The following GLB1L3 variants were observed in gnomAD, a reference collection of about 807,000 sequenced individuals.
The protein encoded by GLB1L3 is galactosidase beta 1 like 3.
Under a neutral mutation model 89.5 loss-of-function variants are expected in GLB1L3, and 89 were observed. The observed-to-expected ratio is 0.99, with a 90% confidence interval of 0.84 to 1.19. GLB1L3 has a LOEUF of 1.19. Among genes scored for constraint, GLB1L3 ranks in the 50% most tolerant of loss-of-function variants. The probability of loss-of-function intolerance (pLI) is 0.00; values close to 1 mark genes in which losing one functional copy is unlikely to be tolerated. For missense variants in GLB1L3, 812 were observed against 813.3 expected (o/e 1.00, Z 0.02); for synonymous variants, 314 against 312.3 (o/e 1.01, Z -0.06).
intron 6 of GLB1L3, among the ~76,000 whole-genome samples, chr11:134,288,404 G>A (rs1296563310): frequency 6.6e-6 from 1 of 152,184 alleles, no homozygotes; most frequent in East Asian, 1.9e-4. Flanking sequence ...GCTGTGCCCA[G>A]AGCCACGTTC....
chr11:134,308,655 T>TCAACACCACCACCACCAA (rs1432078890), intron 10 of GLB1L3, among the ~76,000 whole-genome samples: 89 of 105,602 alleles, frequency 8.4e-4, no homozygotes, highest in Non-Finnish European at 1.6e-3. Context: ...ACCACCATCA[T>TCAACACCACCACCACCAA]CACCACCACC....
At chr11:134,289,081 A>C (rs1284882341) in intron 7 of GLB1L3, 191 bp downstream of exon 7, 1 of 510,074 alleles carries the variant, frequency 2.0e-6, no homozygotes, top group East Asian at 3.3e-5. Flanking sequence ...TGACTCCCTC[A>C]AAATTTAGTC....
chr11:134,313,554 G>A, intron 16 of GLB1L3, 80 bp downstream of exon 16: 1 of 1,193,892 alleles, frequency 8.4e-7, no homozygotes, highest in Non-Finnish European at 1.2e-6. Context: ...GGCGGGAGAG[G>A]GTGGGGAAAC....
chr11:134,313,117 T>A (rs1942823577), intron 15 of GLB1L3, among the ~76,000 whole-genome samples: 1 of 152,202 alleles, frequency 6.6e-6, no homozygotes. Context: ...CACCAAGTCC[T>A]GAGCCTGTCC....
intron 18 of GLB1L3, among the ~76,000 whole-genome samples, chr11:134,317,445 A>G (rs1378436942): frequency 6.6e-6 from 1 of 152,140 alleles, no homozygotes; most frequent in Non-Finnish European, 1.5e-5. Flanking sequence ...CTTTGTCATT[A>G]CTTGTTAGAT....
intron 9 of GLB1L3, chr11:134,305,239 T>C (rs1382023512): frequency 1.3e-6 from 1 of 764,790 alleles, no homozygotes; most frequent in Non-Finnish European, 2.3e-6. Flanking sequence ...CACTGAATTA[T>C]GTAAAGTGCA....
At chr11:134,277,538 A>T in intron 2 of GLB1L3, 87 bp downstream of exon 2, 1 of 1,556,972 alleles carries the variant, frequency 6.4e-7, no homozygotes, top group East Asian at 2.3e-5. Context: ...TGCACAGAAC[A>T]CGTCCTACTA....
chr11:134,281,956 T>C (rs955609045), intron 4 of GLB1L3, 69 bp from the exon 5 acceptor site: 39 of 1,256,426 alleles, frequency 3.1e-5, no homozygotes, highest in Admixed American at 2.3e-5. Flanking sequence ...CACCCTGTGA[T>C]GCGTGTGGCC....
At chr11:134,276,796 C>A in intron 1 of GLB1L3, 33 bp downstream of exon 1, 1 of 1,397,810 alleles carries the variant, frequency 7.2e-7, no homozygotes, top group Non-Finnish European at 9.3e-7. Context: ...CCGGGCTGCC[C>A]ACCACCCCGG....
At position 134,315,094 on chromosome 11, in the gene GLB1L3, G is replaced by A. The variant is rs532357342; in HGVS notation, c.1779+653G>A. Among the ~76,000 whole-genome samples, 89 of 152,240 alleles carry A rather than the reference G, an allele frequency of 5.8e-4. 2 individuals are homozygous for A. The South Asian group carries it at 0.018, about 31-fold the overall frequency. ...CTTTATGTAAATGGAATCATACAGGGCATCTTTTTTAAATATGTTTTCTTT... is the reference window on the plus strand; with the variant it reads ...CTTTATGTAAATGGAATCATACAGGACATCTTTTTTAAATATGTTTTCTTT... On this transcript the variant is annotated intron_variant, in intron 18 of 19. Coordinates refer to ENST00000431683, the MANE Select transcript of GLB1L3 (RefSeq NM_001080407.3).
At chr11:134,311,328 G>GC (rs1942725001) in intron 13 of GLB1L3, 158 bp downstream of exon 13, 1 of 659,322 alleles carries the variant, frequency 1.5e-6, no homozygotes, top group African/African-American at 1.8e-5. Context: ...CTTCCGGGTG[G>GC]ACTGTGAAGG....
chr11:134,309,343 G>C (rs146994391), intron 10 of GLB1L3, among the ~76,000 whole-genome samples: 2 of 152,044 alleles, frequency 1.3e-5, no homozygotes, highest in East Asian at 3.9e-4. Flanking sequence ...GGTCTTTAAC[G>C]TCATCAATAG....
intron 11 of GLB1L3, chr11:134,310,033 A>G: frequency 2.0e-6 from 1 of 494,058 alleles, no homozygotes; most frequent in Non-Finnish European, 3.6e-6. Context: ...GAAGAGAGGC[A>G]GGGTAGGAAC....
chr11:134,301,455 G>GTT (rs1283026028), intron 9 of GLB1L3, among the ~76,000 whole-genome samples: 1 of 152,012 alleles, frequency 6.6e-6, no homozygotes, highest in Non-Finnish European at 1.5e-5. Flanking sequence ...TTTAATGGCC[G>GTT]TATCATTTGT....
intron 9 of GLB1L3, among the ~76,000 whole-genome samples, chr11:134,300,622 C>T (rs1023578768): frequency 3.2e-4 from 49 of 152,084 alleles, no homozygotes; most frequent in Non-Finnish European, 1.3e-4. Flanking sequence ...GCGTGAGCCA[C>T]CGCGCCCGGC....
rs1323247067 is a variant in GLB1L3, at chr11:134,308,262, C to T, written c.961+1054C>T. Among the ~76,000 whole-genome samples, 192 of 31,168 alleles carry T rather than the reference C, an allele frequency of 6.2e-3. 7 individuals are homozygous for T. The highest frequency in any genetic ancestry group is 9.2e-3 in the African/African-American group (49 of 5,308). The allele number at this position is 31,168 out of a possible 152,430, so 20.4% of individuals were successfully genotyped here. A position where few individuals can be genotyped will look rare whatever the true frequency, so the allele number is the denominator to read the frequency against. On this transcript the variant is annotated intron_variant, in intron 10 of 19. Coordinates refer to ENST00000431683, the MANE Select transcript of GLB1L3 (RefSeq NM_001080407.3). ...ATCACCATCACCACCATCACCACCACCACCACCACCACCACCACCAAATAC... is the reference window on the plus strand; with the variant it reads ...ATCACCATCACCACCATCACCACCATCACCACCACCACCACCACCAAATAC...
chr11:134,304,968 A>G (rs1381792204), intron 9 of GLB1L3: 1 of 599,102 alleles, frequency 1.7e-6, no homozygotes, highest in Non-Finnish European at 2.6e-6. Context: ...CAAGGACTCA[A>G]GAGAAGTTGC....
chr11:134,311,220 G>C (rs1942717662), intron 13 of GLB1L3, 50 bp downstream of exon 13: 1 of 1,316,856 alleles, frequency 7.6e-7, no homozygotes. Flanking sequence ...GAGGGATGGG[G>C]GAGGGATTCC....
chr11:134,313,898 C>T (rs1942865141), intron 16 of GLB1L3, 43 bp from the exon 17 acceptor site: 1 of 1,248,082 alleles, frequency 8.0e-7, no homozygotes, highest in South Asian at 1.2e-5. Context: ...AATATCCAGT[C>T]CTGGCTCATA....
Sources: gnomAD v4.1 joint callset for allele counts (sites outside exome capture counted in the v4.1 genomes callset) on GRCh38, gnomAD v4.1.1 for gene constraint, MANE v1.5 for transcripts, NCBI Gene and HGNC (gene_info 2026-07-23, HGNC 2026-07-21) for gene names.